Variants in NCKAP5 observed in about 807,000 individuals in gnomAD.
NCKAP5 encodes the protein nck-associated protein 5.
A neutral mutation model predicts 167.0 loss-of-function variants in NCKAP5; 92 were observed. That is an observed-to-expected ratio of 0.55 (90% CI 0.47 to 0.66). NCKAP5 has a LOEUF of 0.66. Ranked by LOEUF, NCKAP5 falls within the 30% of genes least tolerant of loss-of-function variation. NCKAP5 has a pLI of 0.00. For missense variants in NCKAP5, 2,378 were observed against 2,315.0 expected, an observed-to-expected ratio of 1.03 and a Z score of -0.56; for synonymous variants, 891 against 877.4, an observed-to-expected ratio of 1.02 and a Z score of -0.27.
chr2:133,531,318 T>C (rs938610851), intron 2 of NCKAP5, among the ~76,000 whole-genome samples: 2 of 152,192 alleles, frequency 1.3e-5, no homozygotes, highest in Non-Finnish European at 2.9e-5. Context: ...GCTAATTCAA[T>C]AGCCTTTGGG....
At chr2:133,284,822 A>C (rs1235327823) in intron 4 of NCKAP5, 1 of 152,196 alleles carries the variant, frequency 6.6e-6, no homozygotes, top group Non-Finnish European at 1.5e-5. Context: ...GAAGCAGGAA[A>C]CCTTCCAGAC....
At chr2:133,119,282 A>T (rs920353257) in intron 6 of NCKAP5, among the ~76,000 whole-genome samples, 4 of 152,082 alleles carry the variant, frequency 2.6e-5, no homozygotes, top group Non-Finnish European at 4.4e-5. Flanking sequence ...GGGATTACAG[A>T]CGTGAGCCAC....
At chr2:133,011,750 T>C (rs1190979407) in intron 6 of NCKAP5, among the ~76,000 whole-genome samples, 3 of 152,338 alleles carry the variant, frequency 2.0e-5, no homozygotes, top group Non-Finnish European at 4.4e-5. Context: ...GTGTGTTTGG[T>C]GTTGCTCATT....
chr2:133,271,254 C>A (rs2089499825), intron 4 of NCKAP5, among the ~76,000 whole-genome samples: 1 of 151,858 alleles, frequency 6.6e-6, no homozygotes. Flanking sequence ...TCTTTCCTTG[C>A]TTTGTGTGTT....
At chr2:133,333,357 G>T (rs1019789985) in intron 3 of NCKAP5, among the ~76,000 whole-genome samples, 4 of 152,266 alleles carry the variant, frequency 2.6e-5, no homozygotes, top group African/African-American at 9.6e-5. Flanking sequence ...ATCGGAAGAG[G>T]AAAGGCTACG....
chr2:133,320,455 G>T (rs1429303164), intron 3 of NCKAP5, among the ~76,000 whole-genome samples: 1 of 152,174 alleles, frequency 6.6e-6, no homozygotes, highest in Non-Finnish European at 1.5e-5. Context: ...TTGGCTGGGT[G>T]CGGTGGCTCA....
At chr2:132,738,395 G>A (rs1159093599) in intron 16 of NCKAP5, among the ~76,000 whole-genome samples, 1 of 152,106 alleles carries the variant, frequency 6.6e-6, no homozygotes. Flanking sequence ...AGTAACTCTG[G>A]CTCTCATCCC....
intron 4 of NCKAP5, among the ~76,000 whole-genome samples, chr2:133,232,182 C>T (rs1163816412): frequency 6.6e-6 from 1 of 152,144 alleles, no homozygotes; most frequent in East Asian, 1.9e-4. Context: ...TCAAAAGTCA[C>T]AGAGCCAAGC....
intron 6 of NCKAP5, among the ~76,000 whole-genome samples, chr2:133,113,210 T>C (rs2149724217): frequency 6.6e-6 from 1 of 152,230 alleles, no homozygotes; most frequent in South Asian, 2.1e-4. Flanking sequence ...GAGTTTTTTT[T>C]TTTTTTTCTT....
intron 19 of NCKAP5, among the ~76,000 whole-genome samples, chr2:132,706,001 G>C (rs926298952): frequency 3.9e-5 from 6 of 151,958 alleles, no homozygotes; most frequent in Admixed American, 6.6e-5. Context: ...CATATACATG[G>C]AGACATATAT....
chr2:133,295,292 C>A (rs1384382099), intron 4 of NCKAP5, among the ~76,000 whole-genome samples: 1 of 152,062 alleles, frequency 6.6e-6, no homozygotes, highest in Non-Finnish European at 1.5e-5. Flanking sequence ...GTTCCTTGAA[C>A]CTTAGAGTAG....
chr2:132,999,669 A>G (rs1044239905), intron 6 of NCKAP5, among the ~76,000 whole-genome samples: 4 of 152,226 alleles, frequency 2.6e-5, no homozygotes, highest in African/African-American at 7.2e-5. Context: ...GTTGGAAAAT[A>G]TGGCTCCAAG....
At chr2:133,320,443 C>T (rs1017016953) in intron 3 of NCKAP5, among the ~76,000 whole-genome samples, 1 of 152,098 alleles carries the variant, frequency 6.6e-6, no homozygotes, top group Admixed American at 6.5e-5. Flanking sequence ...ATAATTAGGC[C>T]CTTGGCTGGG....
chr2:132,865,063 A>G (rs1377215661), intron 10 of NCKAP5, among the ~76,000 whole-genome samples: 1 of 151,572 alleles, frequency 6.6e-6, no homozygotes, highest in Non-Finnish European at 1.5e-5. Flanking sequence ...CTCTTTTGTC[A>G]TACCCTTTCT....
Position 133,045,237 on chromosome 2 carries a change from C to T in NCKAP5, c.342-50998G>A, listed in dbSNP as rs1573853174. ...AAAAATGTGCTATCTCCATAAACTTCACACACAGGGTCCAGCCAGAAAGAG... is the reference window on the plus strand; with the variant it reads ...AAAAATGTGCTATCTCCATAAACTTTACACACAGGGTCCAGCCAGAAAGAG... On this transcript the variant is annotated intron_variant, in intron 6 of 19. Transcript: ENST00000409261. 2.0e-5 allele frequency among the ~76,000 whole-genome samples: 3 copies of T among 152,148 alleles called. No individual in the cohort carries two copies. In the South Asian group the frequency reaches 6.2e-4, roughly 32 times the overall value.
At chr2:132,870,649 C>G (rs560342464) in intron 9 of NCKAP5, among the ~76,000 whole-genome samples, 1 of 151,444 alleles carries the variant, frequency 6.6e-6, no homozygotes, top group South Asian at 2.1e-4. Flanking sequence ...CTGAGGGACA[C>G]TTTTGTGTTA....
chr2:133,302,778 T>C (rs1680478050), intron 4 of NCKAP5, among the ~76,000 whole-genome samples: 1 of 149,336 alleles, frequency 6.7e-6, no homozygotes, highest in African/African-American at 2.5e-5. Flanking sequence ...ACTTAGAGTA[T>C]AATAAAAAAA....
chr2:133,430,779 A>G (rs1690108010), intron 3 of NCKAP5, among the ~76,000 whole-genome samples: 1 of 151,866 alleles, frequency 6.6e-6, no homozygotes, highest in African/African-American at 2.4e-5. Context: ...GGTTGTTGAT[A>G]CATGAATAAA....
intron 3 of NCKAP5, among the ~76,000 whole-genome samples, chr2:133,515,825 C>T (rs1347517017): frequency 6.6e-6 from 1 of 152,256 alleles, no homozygotes; most frequent in Non-Finnish European, 1.5e-5. Context: ...CTGCCCTATC[C>T]CTGCCTTCGC....
Sources: gnomAD v4.1 joint callset for allele counts (sites outside exome capture counted in the v4.1 genomes callset) on GRCh38, gnomAD v4.1.1 for gene constraint, MANE v1.5 for transcripts, NCBI Gene and HGNC (gene_info 2026-07-23, HGNC 2026-07-21) for gene names.